Variants in CHMP4C observed in about 807,000 individuals in gnomAD.
CHMP4C encodes SNF7 homolog associated with Alix 3.
Under a neutral mutation model 29.0 loss-of-function variants are expected in CHMP4C, and 28 were observed. The observed-to-expected ratio is 0.97, with a 90% CI of 0.72 to 1.32. The LOEUF (loss-of-function observed/expected upper bound fraction) is 1.32. Ranked by LOEUF, CHMP4C falls within the 40% of genes most tolerant of loss-of-function variation. The pLI, the probability that CHMP4C is intolerant of heterozygous loss-of-function variation, is 0.00. For synonymous variants in CHMP4C, 106 were observed against 102.4 expected (o/e 1.04, Z -0.21); for missense variants, 291 against 281.0 (o/e 1.04, Z -0.25).
At chr8:81,758,416 C>T in intron 4 of CHMP4C, 64 bp from the exon 5 acceptor site, 8 of 1,537,066 alleles carry the variant, frequency 5.2e-6, no homozygotes, top group Non-Finnish European at 7.2e-6. Context: ...TAATTCATAC[C>T]TGTTTTCTAT....
At position 81,758,267 on chromosome 8, in the gene CHMP4C, G is replaced by A. The variant is rs201828822; in HGVS notation, c.609G>A (p.Met203Ile). 2.5e-6 allele frequency: 4 copies of A among 1,613,972 alleles called. 1 individual carries two copies. The South Asian group carries it at 3.3e-5, about 13-fold the overall frequency. ...LPAQPNRKPG[M>I]SSTARRSRAA... ...CACAGCCAAATAGAAAACCAGGCATGTCGTCCACTGCACGTCGATCCCGAG... is the reference window on the plus strand; with the variant it reads ...CACAGCCAAATAGAAAACCAGGCATATCGTCCACTGCACGTCGATCCCGAG... Residue 203 changes from methionine to isoleucine, a missense_variant, in exon 4 of 5, where the codon ATG becomes ATA. Transcript: ENST00000297265.
At chr8:81,748,623 C>T (rs973729686) in intron 1 of CHMP4C, among the ~76,000 whole-genome samples, 10 of 152,012 alleles carry the variant, frequency 6.6e-5, no homozygotes, top group African/African-American at 2.2e-4. Flanking sequence ...ATTTGTTATG[C>T]GGTAGTCTCA....
chr8:81,734,595 GCTAGGATTA>G (rs1808662355), intron 1 of CHMP4C, among the ~76,000 whole-genome samples: 1 of 152,142 alleles, frequency 6.6e-6, no homozygotes, highest in Non-Finnish European at 1.5e-5. Flanking sequence ...CTCCCAAAGG[GCTAGGATTA>G]CAAGTGTGAG....
intron 2 of CHMP4C, 104 bp from the exon 3 acceptor site, chr8:81,755,266 C>A: frequency 2.0e-6 from 1 of 495,450 alleles, no homozygotes; most frequent in Non-Finnish European, 3.5e-6. Context: ...ACTCAAATAA[C>A]TAAGAATTTA....
chr8:81,744,313 A>T (rs889124021), intron 1 of CHMP4C, among the ~76,000 whole-genome samples: 4 of 152,138 alleles, frequency 2.6e-5, no homozygotes, highest in African/African-American at 9.7e-5. Context: ...GTGGTATGAG[A>T]TTTGTAGTAG....
In CHMP4C at chr8:81,753,146, C is replaced by G; in HGVS notation, c.273C>G (p.Phe91Leu). Residue 91 changes from phenylalanine (F) to leucine (L), a missense_variant, in exon 2 of 5, where the codon TTC becomes TTG. Physicochemically the swap from Phe to Leu is conservative, Grantham distance 22. Coordinates refer to ENST00000297265, the MANE Select transcript of CHMP4C (RefSeq NM_152284.4). ...QIDGTLSTIE[F>L]QREALENSHT... Reference sequence around the variant, plus strand: ...ATGGCACACTTTCTACCATTGAGTTCCAGAGAGAAGCCCTGGAGAACTCAC... The same window carrying G: ...ATGGCACACTTTCTACCATTGAGTTGCAGAGAGAAGCCCTGGAGAACTCAC... 3 of 1,612,572 alleles carry G rather than the reference C, an allele frequency of 1.9e-6. No individual in the cohort carries two copies. Among genetic ancestry groups the G allele is most frequent in the Non-Finnish European group, 2.5e-6 (3 of 1,179,082 alleles).
intron 1 of CHMP4C, among the ~76,000 whole-genome samples, chr8:81,750,978 G>T (rs978284329): frequency 2.6e-5 from 4 of 152,042 alleles, no homozygotes; most frequent in African/African-American, 9.7e-5. Context: ...CAAGAAAAGA[G>T]ATTATTTGCA....
At chr8:81,739,909 C>T (rs1440793389) in intron 1 of CHMP4C, among the ~76,000 whole-genome samples, 2 of 152,174 alleles carry the variant, frequency 1.3e-5, no homozygotes, top group East Asian at 1.9e-4. Context: ...AAATTATTCC[C>T]CACACTCCCG....
intron 3 of CHMP4C, among the ~76,000 whole-genome samples, chr8:81,756,664 G>A (rs1808976649): frequency 6.6e-6 from 1 of 152,124 alleles, no homozygotes; most frequent in Admixed American, 6.6e-5. Flanking sequence ...CCTAAAGGAT[G>A]AAAATGATGG....
chr8:81,753,362 A>C, intron 2 of CHMP4C, 121 bp downstream of exon 2: 2 of 570,136 alleles, frequency 3.5e-6, no homozygotes, highest in Non-Finnish European at 5.6e-6. Context: ...TGACATGTTG[A>C]ATAAAATACT....
At chr8:81,743,609 A>G (rs181344798) in intron 1 of CHMP4C, among the ~76,000 whole-genome samples, 75 of 152,330 alleles carry the variant, frequency 4.9e-4, no homozygotes, top group Middle Eastern at 6.8e-3. Context: ...GAAGCAATTA[A>G]TTACAAGAGA....
chr8:81,739,425 G>GGA (rs1203850438), intron 1 of CHMP4C, among the ~76,000 whole-genome samples: 1 of 140,150 alleles, frequency 7.1e-6, no homozygotes, highest in Non-Finnish European at 1.5e-5. Flanking sequence ...TTGTGGGGGG[G>GGA]GGTGGAAAAA....
In CHMP4C at chr8:81,752,781, A is replaced by C. The variant is rs568746857; in HGVS notation, c.191-283A>C. On this transcript the variant is annotated intron_variant, in intron 1 of 4. Coordinates refer to ENST00000297265, the MANE Select transcript of CHMP4C (RefSeq NM_152284.4). Reference sequence around the variant, plus strand: ...TCCTTTTCTAAAATCTGACATTGACAAAACATTTCTTTGGCATATGTTTTG... The same window carrying C: ...TCCTTTTCTAAAATCTGACATTGACCAAACATTTCTTTGGCATATGTTTTG... Among the ~76,000 whole-genome samples the C allele has an allele frequency of 6.6e-5, 10 of 152,306 alleles. 1 individual carries two copies. Among genetic ancestry groups the C allele is most frequent in the African/African-American group, 1.7e-4 (7 of 41,582 alleles).
At chr8:81,735,878 G>C (rs192186017) in intron 1 of CHMP4C, among the ~76,000 whole-genome samples, 29 of 152,160 alleles carry the variant, frequency 1.9e-4, no homozygotes, top group Admixed American at 1.3e-3. Flanking sequence ...CTTGAGGTCA[G>C]GAGTTTGAGA....
intron 3 of CHMP4C, 96 bp from the exon 4 acceptor site, chr8:81,758,046 A>G: frequency 3.6e-6 from 4 of 1,099,654 alleles, no homozygotes; most frequent in Middle Eastern, 4.1e-4. Context: ...GGGTTCTCAC[A>G]TATCAATTGG....
chr8:81,736,733 GGA>G (rs1808696638), intron 1 of CHMP4C, among the ~76,000 whole-genome samples: 1 of 152,126 alleles, frequency 6.6e-6, no homozygotes, highest in African/African-American at 2.4e-5. Context: ...AGGGTGAATT[GGA>G]GCACCTCAAA....
rs535237035 is a variant in CHMP4C at position 81,747,549 on chromosome 8, T to A, written c.191-5515T>A. Among the ~76,000 whole-genome samples, 4 of 152,208 alleles carry A rather than the reference T, an allele frequency of 2.6e-5. No homozygotes were observed. In the South Asian group the frequency reaches 8.3e-4, roughly 32 times the overall value. ...GTACTGTTTGTTGTACCTATTGAAA[T>A]GTAGAAATGTTTTGTAATATTATGT... On this transcript the variant is annotated intron_variant, in intron 1 of 4. Transcript: ENST00000297265.
At chr8:81,756,445 G>A (rs969724332) in intron 3 of CHMP4C, among the ~76,000 whole-genome samples, 5 of 152,184 alleles carry the variant, frequency 3.3e-5, no homozygotes, top group African/African-American at 1.2e-4. Context: ...AGCATCTAGT[G>A]AGTACATTAT....
At chr8:81,732,856 C>T (rs773305317) in intron 1 of CHMP4C, 40 bp downstream of exon 1, 5 of 1,573,690 alleles carry the variant, frequency 3.2e-6, no homozygotes, top group Non-Finnish European at 4.3e-6. Flanking sequence ...GCCCATCTGC[C>T]TCTAGCCTTT....
Sources: allele counts gnomAD v4.1 joint callset (sites outside exome capture counted in the v4.1 genomes callset), GRCh38; gene constraint gnomAD v4.1.1; transcripts MANE v1.5; gene names NCBI Gene and HGNC (gene_info 2026-07-23, HGNC 2026-07-21).